ERICH1: variants seen among roughly 807,000 people sequenced by gnomAD.
The protein encoded by ERICH1 is glutamate-rich protein 1.
ERICH1 carries 56 observed loss-of-function variants against 39.6 expected under a neutral mutation model. The observed-to-expected ratio is 1.41, with a 90% CI of 1.14 to 1.77. ERICH1 has a LOEUF of 1.77. ERICH1 is among the 40% of genes most tolerant of loss of function. The pLI is 0.00. For missense variants in ERICH1, 826 were observed against 575.4 expected (o/e 1.44, Z -4.45); for synonymous variants, 313 against 223.6 (o/e 1.40, Z -3.57).
intron 2 of ERICH1, among the ~76,000 whole-genome samples, chr8:704,981 C>A (rs912489039): frequency 1.3e-5 from 2 of 152,140 alleles, no homozygotes; most frequent in African/African-American, 4.8e-5. Context: ...TCAATATGGG[C>A]TCTTCAGTGA....
intron 2 of ERICH1, among the ~76,000 whole-genome samples, chr8:709,636 T>C (rs1814249751): frequency 6.6e-6 from 1 of 152,226 alleles, no homozygotes; most frequent in East Asian, 1.9e-4. Flanking sequence ...GGCTGAATGC[T>C]GAAGCTTTGT....
chr8:634,424 G>A (rs1005783702), intron 3 of ERICH1, among the ~76,000 whole-genome samples: 3 of 152,198 alleles, frequency 2.0e-5, no homozygotes, highest in Non-Finnish European at 2.9e-5. Context: ...CCTCAAACAA[G>A]TAAACATAGA....
At chr8:648,409 G>A (rs2117286109) in intron 3 of ERICH1, among the ~76,000 whole-genome samples, 1 of 63,210 alleles carries the variant, frequency 1.6e-5, no homozygotes, top group African/African-American at 4.0e-5. Context: ...GGGAGGTGCT[G>A]GGGACCTGTG....
intron 3 of ERICH1, among the ~76,000 whole-genome samples, chr8:634,524 G>T (rs942109725): frequency 1.6e-4 from 25 of 152,236 alleles, no homozygotes; most frequent in African/African-American, 5.8e-4. Flanking sequence ...CCCATGCTCA[G>T]GGCGGCCCCG....
chr8:620,513 G>A (rs1446877005), intron 3 of ERICH1, among the ~76,000 whole-genome samples: 1 of 152,136 alleles, frequency 6.6e-6, no homozygotes, highest in East Asian at 1.9e-4. Flanking sequence ...TATCTGCAAT[G>A]TACACTGACC....
At chr8:623,106 G>C (rs1797390004) in intron 3 of ERICH1, among the ~76,000 whole-genome samples, 1 of 152,076 alleles carries the variant, frequency 6.6e-6, no homozygotes, top group African/African-American at 2.4e-5. Context: ...AACAGGCAAA[G>C]ATATCAAAAG....
chr8:710,541 C>G (rs1168437331), intron 2 of ERICH1, among the ~76,000 whole-genome samples: 3 of 152,242 alleles, frequency 2.0e-5, no homozygotes, highest in Admixed American at 2.0e-4. Flanking sequence ...GCTCCACCTG[C>G]TCCTCCCAGT....
At chr8:631,346 T>G (rs1297095825) in intron 3 of ERICH1, among the ~76,000 whole-genome samples, 1 of 152,194 alleles carries the variant, frequency 6.6e-6, no homozygotes, top group African/African-American at 2.4e-5. Context: ...GTGGTGAAGC[T>G]GACTCAGCTG....
At chr8:676,850 G>A (rs1169369789) in intron 3 of ERICH1, among the ~76,000 whole-genome samples, 2 of 152,224 alleles carry the variant, frequency 1.3e-5, no homozygotes, top group Non-Finnish European at 2.9e-5. Context: ...GGAGTTTTCT[G>A]AGCTGTGCAC....
intron 3 of ERICH1, among the ~76,000 whole-genome samples, chr8:689,386 C>T (rs1808395761): frequency 6.6e-6 from 1 of 152,262 alleles, no homozygotes; most frequent in Non-Finnish European, 1.5e-5. Context: ...GCTGGAATTA[C>T]AGGCGTGAGC....
intron 3 of ERICH1, among the ~76,000 whole-genome samples, chr8:618,108 T>C (rs574504654): frequency 1.3e-5 from 2 of 150,092 alleles, no homozygotes; most frequent in South Asian, 2.1e-4. Flanking sequence ...CTCACTGCCC[T>C]ATGCGTGCTC....
intron 2 of ERICH1, among the ~76,000 whole-genome samples, chr8:702,339 C>T (rs564538260): frequency 3.9e-5 from 6 of 152,214 alleles, no homozygotes; most frequent in South Asian, 2.1e-4. Context: ...ACAAGAACGC[C>T]GGCGAGTCAA....
At chr8:632,041 C>G (rs1798073086) in intron 3 of ERICH1, among the ~76,000 whole-genome samples, 2 of 152,192 alleles carry the variant, frequency 1.3e-5, no homozygotes, top group Admixed American at 6.5e-5. Flanking sequence ...TAGACTCGAG[C>G]TGCGTCTCTG....
intron 3 of ERICH1, among the ~76,000 whole-genome samples, chr8:685,530 G>A (rs568413386): frequency 6.6e-6 from 1 of 152,272 alleles, no homozygotes; most frequent in Non-Finnish European, 1.5e-5. Context: ...TATTGATTGG[G>A]GAAGTGATAC....
At chr8:672,800 G>A (rs775415817) in intron 4 of ERICH1, among the ~76,000 whole-genome samples, 2 of 152,206 alleles carry the variant, frequency 1.3e-5, no homozygotes, top group Non-Finnish European at 2.9e-5. Flanking sequence ...CTGAGAAATC[G>A]TGCATCCGTT....
intron 2 of ERICH1, among the ~76,000 whole-genome samples, chr8:701,464 G>A (rs1026930891): frequency 6.6e-6 from 1 of 152,228 alleles, no homozygotes; most frequent in East Asian, 1.9e-4. Flanking sequence ...TAGGATGGGA[G>A]CATGCTGTAC....
chr8:670,891 C>T (rs1585162558), intron 4 of ERICH1, among the ~76,000 whole-genome samples: 1 of 151,822 alleles, frequency 6.6e-6, no homozygotes, highest in South Asian at 2.1e-4. Context: ...CAGGATCCAA[C>T]CTCTGAACCC....
intron 2 of ERICH1, among the ~76,000 whole-genome samples, chr8:701,819 C>T (rs965017113): frequency 6.6e-6 from 1 of 152,024 alleles, no homozygotes; most frequent in Non-Finnish European, 1.5e-5. Flanking sequence ...CAGCCAGGCG[C>T]GGTTGCTCAC....
chr8:708,712 G>T (rs56375929), intron 2 of ERICH1, among the ~76,000 whole-genome samples: 136 of 59,586 alleles, frequency 2.3e-3, no homozygotes, highest in African/African-American at 4.1e-3. Flanking sequence ...TTTTTTTTTT[G>T]AGACAGGGTC....
Sources: allele counts gnomAD v4.1 joint callset (sites outside exome capture counted in the v4.1 genomes callset), GRCh38; gene constraint gnomAD v4.1.1; transcripts MANE v1.5; gene names NCBI Gene and HGNC (gene_info 2026-07-23, HGNC 2026-07-21).